The following CAPN9 variants were observed in gnomAD, a reference collection of about 807,000 sequenced individuals.
CAPN9 encodes calpain 9, also known as calpain-9.
In CAPN9, 81 loss-of-function variants were observed where a neutral mutation model predicts 92.8. The ratio of observed to expected loss-of-function variants is 0.87; its 90% CI spans 0.73 to 1.05. The LOEUF (loss-of-function observed/expected upper bound fraction) is 1.05. Among genes scored for constraint, CAPN9 ranks in the 50% least tolerant of loss-of-function variants. CAPN9 has a pLI of 0.00. For synonymous variants in CAPN9, 304 were observed against 328.0 expected (o/e 0.93, Z 0.79); for missense variants, 848 against 866.2 (o/e 0.98, Z 0.26).
intron 1 of CAPN9, among the ~76,000 whole-genome samples, chr1:230,752,167 CACA>C (rs139983992): frequency 1.6e-3 from 246 of 152,246 alleles, no homozygotes; most frequent in Admixed American, 5.3e-3. Flanking sequence ...CCTGGGCACA[CACA>C]ACAAGGCAAG....
Position 230,762,651 on chromosome 1 carries a change from A to G in CAPN9, c.403-2A>G, listed in dbSNP as rs28359631. ...CATTTCTGTCTTTTTCCTGGGCAAC[A>G]GTTCTGGCAGCACAGTGAGTGGCTG... is the stretch of plus-strand genomic sequence containing the variant. On this transcript the variant is annotated splice_acceptor_variant, in intron 3 of 19. Coordinates refer to ENST00000271971, the MANE Select transcript of CAPN9 (RefSeq NM_006615.3). LOFTEE classifies it high-confidence loss of function. 4.7e-3 allele frequency: 7,659 copies of G among 1,613,316 alleles called. 254 individuals carry two copies. In the East Asian group the frequency reaches 0.08, roughly 17 times the overall value.
At chr1:230,787,348 T>C (rs1001713647) in intron 12 of CAPN9, among the ~76,000 whole-genome samples, 174 bp from the exon 13 acceptor site, 2 of 152,100 alleles carry the variant, frequency 1.3e-5, no homozygotes, top group African/African-American at 4.8e-5. Context: ...TCTCACCTTC[T>C]AAAAGAGCCT....
At chr1:230,780,788 G>C in intron 11 of CAPN9, 80 bp downstream of exon 11, 1 of 1,099,110 alleles carries the variant, frequency 9.1e-7, no homozygotes. Context: ...AACTGCTGGA[G>C]CCAAGACTCC....
At chr1:230,757,732 A>AAAAAC (rs1175373944) in intron 2 of CAPN9, among the ~76,000 whole-genome samples, 12 of 151,430 alleles carry the variant, frequency 7.9e-5, no homozygotes, top group African/African-American at 2.9e-4. Context: ...AAAAAAAAAA[A>AAAAAC]AAACTAGAAC....
chr1:230,798,029 G>C, intron 18 of CAPN9, 133 bp from the exon 19 acceptor site: 1 of 693,020 alleles, frequency 1.4e-6, no homozygotes, highest in East Asian at 2.6e-5. Flanking sequence ...CGCCCTTGAT[G>C]AAAGTCCTTG....
chr1:230,750,266 G>A (rs539888700), intron 1 of CAPN9, among the ~76,000 whole-genome samples: 1 of 152,280 alleles, frequency 6.6e-6, no homozygotes, highest in Admixed American at 6.5e-5. Flanking sequence ...TCATCCCACT[G>A]TCTCCACCTA....
chr1:230,752,312 G>A (rs1321704866), intron 1 of CAPN9, among the ~76,000 whole-genome samples: 1 of 152,158 alleles, frequency 6.6e-6, no homozygotes. Context: ...ACTGGCACGT[G>A]TGCACACCAA....
At chr1:230,787,024 A>G (rs1402679364) in intron 12 of CAPN9, among the ~76,000 whole-genome samples, 1 of 152,348 alleles carries the variant, frequency 6.6e-6, no homozygotes, top group East Asian at 1.9e-4. Flanking sequence ...ATGCTGGGGC[A>G]CAGCTTATTA....
chr1:230,798,715 T>A (rs1248274273), intron 19 of CAPN9, among the ~76,000 whole-genome samples: 3 of 152,186 alleles, frequency 2.0e-5, no homozygotes, highest in Non-Finnish European at 2.9e-5. Context: ...GTCAGAGGTA[T>A]GGGAGAAGGA....
rs1227762872 is a variant in CAPN9 at position 230,790,150 on chromosome 1, G to A, written c.1618G>A (p.Glu540Lys). The change falls in exon 14 of 20, where the codon GAG becomes AAG. Residue 540 changes from glutamate to lysine, a missense_variant. By Grantham distance (56) the Glu-to-Lys change is moderately conservative. Transcript: ENST00000271971. ...TCAACAGGACATGGAGGTGACAGCA[G>A]AGGAACTTGAGTATGTTTTAAATGC... ...VAGEDMEVTA[E>K]ELEYVLNAVL... is the part of the protein sequence containing the mutation. 1 of 1,614,108 alleles carries A rather than the reference G, an allele frequency of 6.2e-7. No individual in the cohort carries two copies. Among genetic ancestry groups the A allele is most frequent in the Admixed American group, 1.7e-5 (1 of 60,030 alleles).
intron 1 of CAPN9, among the ~76,000 whole-genome samples, chr1:230,751,525 AAG>A (rs143697129): frequency 7.1e-6 from 1 of 140,478 alleles, no homozygotes; most frequent in Admixed American, 7.3e-5. Flanking sequence ...GAAGGAGAGA[AAG>A]AGAAAGAAAG....
At chr1:230,789,473 CAAAAAAAAAAAAAAAA>C (rs57738295) in intron 13 of CAPN9, among the ~76,000 whole-genome samples, 1 of 66,266 alleles carries the variant, frequency 1.5e-5, no homozygotes, top group African/African-American at 4.5e-5. Flanking sequence ...GACCCTGTAT[CAAAAAAAAAAAAAAAA>C]AAAAAAAAAA....
chr1:230,791,862 A>T lies in CAPN9; in HGVS notation c.1658-2A>T, dbSNP rs1393399648. On this transcript the variant is annotated splice_acceptor_variant, in intron 14 of 19. Transcript: ENST00000271971. LOFTEE classifies it high-confidence loss of function. ...GAATTCAGCTTTCATGTGCAATTTC[A>T]GAAAAGGACATCAAATTCAAGAAGC... The T allele has an allele frequency of 1.9e-6, 3 of 1,612,608 alleles. No homozygotes were observed. Among genetic ancestry groups the T allele is most frequent in the Non-Finnish European group, 2.5e-6 (3 of 1,178,576 alleles).
At chr1:230,769,158 C>T (rs951507382) in intron 5 of CAPN9, 22 bp from the exon 6 acceptor site, 4 of 1,602,206 alleles carry the variant, frequency 2.5e-6, no homozygotes, top group Middle Eastern at 1.7e-4. Context: ...GTGGGTGTGA[C>T]TCTGCTCTTT....
intron 11 of CAPN9, among the ~76,000 whole-genome samples, chr1:230,785,245 G>A (rs1399756909): frequency 6.6e-6 from 1 of 152,168 alleles, no homozygotes; most frequent in Non-Finnish European, 1.5e-5. Context: ...ATGAGACTTT[G>A]GACTTTGGAA....
chr1:230,769,862 A>G (rs900954943), intron 6 of CAPN9, among the ~76,000 whole-genome samples: 7 of 152,276 alleles, frequency 4.6e-5, no homozygotes, highest in African/African-American at 1.7e-4. Flanking sequence ...TAAATAGTAA[A>G]TGTATTTCCT....
intron 3 of CAPN9, among the ~76,000 whole-genome samples, chr1:230,760,420 AC>A (rs1665559957): frequency 6.6e-6 from 1 of 151,832 alleles, no homozygotes; most frequent in African/African-American, 2.4e-5. Flanking sequence ...TTGACCTTCC[AC>A]CCCAGACAGT....
chr1:230,752,228 C>A (rs1379037413), intron 1 of CAPN9, among the ~76,000 whole-genome samples: 1 of 152,110 alleles, frequency 6.6e-6, no homozygotes, highest in Non-Finnish European at 1.5e-5. Context: ...AGCATACACA[C>A]CACTCCCAGG....
At chr1:230,748,698 TATC>T (rs565861218) in intron 1 of CAPN9, among the ~76,000 whole-genome samples, 42 of 152,346 alleles carry the variant, frequency 2.8e-4, no homozygotes, top group African/African-American at 9.1e-4. Flanking sequence ...ATACTATTAT[TATC>T]ATCATTACAA....
Sources: gnomAD v4.1 joint callset for allele counts (sites outside exome capture counted in the v4.1 genomes callset) on GRCh38, gnomAD v4.1.1 for gene constraint, MANE v1.5 for transcripts, NCBI Gene and HGNC (gene_info 2026-07-23, HGNC 2026-07-21) for gene names.